The following SEC24A variants were observed in gnomAD, a reference collection of about 807,000 sequenced individuals.
SEC24A encodes protein transport protein Sec24A.
In SEC24A, 93 loss-of-function variants were observed where a neutral mutation model predicts 129.4. The ratio of observed to expected loss-of-function variants is 0.72; its 90% CI spans 0.61 to 0.85. The LOEUF (loss-of-function observed/expected upper bound fraction) is 0.85, where lower values mean the gene tolerates loss of function less well. SEC24A is among the 40% of genes least tolerant of loss of function. The pLI, the probability that SEC24A is intolerant of heterozygous loss-of-function variation, is 0.00. For synonymous variants in SEC24A, 460 were observed against 467.3 expected, an observed-to-expected ratio of 0.98 and a Z score of 0.20; for missense variants, 1,264 against 1,307.4, an observed-to-expected ratio of 0.97 and a Z score of 0.51.
At chr5:134,668,598 C>A (rs1383667397) in intron 3 of SEC24A, among the ~76,000 whole-genome samples, 1 of 152,070 alleles carries the variant, frequency 6.6e-6, no homozygotes, top group Middle Eastern at 3.2e-3. Flanking sequence ...TAGTGGCGGG[C>A]ACCTGTAATC....
chr5:134,662,248 G>A (rs565411753), intron 2 of SEC24A, among the ~76,000 whole-genome samples: 14 of 151,824 alleles, frequency 9.2e-5, no homozygotes, highest in East Asian at 1.9e-4. Flanking sequence ...TCTGCCTCCC[G>A]GGTTCACGCC....
chr5:134,718,325 C>A, intron 20 of SEC24A, 152 bp downstream of exon 20: 1 of 526,410 alleles, frequency 1.9e-6, no homozygotes, highest in South Asian at 3.6e-5. Flanking sequence ...ATGTGTAAGT[C>A]ATGGCTTATA....
rs776225197 is a variant in SEC24A at position 134,679,731 on chromosome 5, A to G, written c.1381+3A>G. ...CTTATGTTATCGAGTCAATGATGGT[A>G]TGGGATGCTTTTTTGAAACATTTAA... On this transcript the variant is annotated splice_donor_region_variant and intron_variant, in intron 8 of 22. Coordinates refer to ENST00000398844, the MANE Select transcript of SEC24A (RefSeq NM_021982.3). 19 of 1,566,666 alleles carry G rather than the reference A, an allele frequency of 1.2e-5. No homozygotes were observed. The Admixed American group carries it at 2.6e-4, about 22-fold the overall frequency.
chr5:134,658,709 A>G (rs1471765342), intron 1 of SEC24A, among the ~76,000 whole-genome samples: 1 of 152,072 alleles, frequency 6.6e-6, no homozygotes, highest in Non-Finnish European at 1.5e-5. Context: ...CCCAACCTCT[A>G]CACGATTTTA....
chr5:134,719,953 C>T (rs1006753549), intron 20 of SEC24A, among the ~76,000 whole-genome samples: 1 of 151,648 alleles, frequency 6.6e-6, no homozygotes, highest in Non-Finnish European at 1.5e-5. Flanking sequence ...CCATTGCACT[C>T]CAGCCTGGGC....
At chr5:134,692,415 C>G (rs949539066) in intron 11 of SEC24A, among the ~76,000 whole-genome samples, 187 bp from the exon 12 acceptor site, 3 of 152,098 alleles carry the variant, frequency 2.0e-5, no homozygotes, top group African/African-American at 7.2e-5. Flanking sequence ...AGAAAATTTG[C>G]AGTAGATACC....
At chr5:134,697,007 A>G in intron 13 of SEC24A, 119 bp from the exon 14 acceptor site, 1 of 555,588 alleles carries the variant, frequency 1.8e-6, no homozygotes, top group Non-Finnish European at 3.0e-6. Flanking sequence ...AGGACTTTGT[A>G]GAATGCCCAG....
chr5:134,657,179 A>AATGCAC (rs1554136427), intron 1 of SEC24A, among the ~76,000 whole-genome samples: 1 of 136,934 alleles, frequency 7.3e-6, no homozygotes, highest in African/African-American at 3.2e-5. Flanking sequence ...ATTTCTGAAA[A>AATGCAC]ACGCACACAC....
At chr5:134,682,584 G>C in intron 9 of SEC24A, 102 bp downstream of exon 9, 2 of 621,520 alleles carry the variant, frequency 3.2e-6, no homozygotes, top group South Asian at 4.1e-5. Context: ...ATTTTATTTT[G>C]AGACAGAGTT....
intron 11 of SEC24A, among the ~76,000 whole-genome samples, chr5:134,690,090 C>T (rs898746738): frequency 6.6e-6 from 1 of 152,194 alleles, no homozygotes; most frequent in South Asian, 2.1e-4. Flanking sequence ...GCCATCTCGG[C>T]TCGCTGCAAC....
At position 134,671,793 on chromosome 5, in the gene SEC24A, T is replaced by G. The variant is rs1279962777; in HGVS notation, c.740-16T>G. ...ATCATTCTAATTAAAATCTTGTTGA[T>G]GAACTTCCTTCTTAGGTATTACATC... On this transcript the variant is annotated splice_polypyrimidine_tract_variant and intron_variant, in intron 3 of 22. Coordinates refer to ENST00000398844, the MANE Select transcript of SEC24A (RefSeq NM_021982.3). 1 of 1,492,410 alleles carries G rather than the reference T, an allele frequency of 6.7e-7. No homozygotes were observed. The highest frequency in any genetic ancestry group is 2.0e-5 in the Admixed American group (1 of 49,186). The allele number at this position is 1,492,410 out of a possible 1,614,324, so 92.4% of individuals were successfully genotyped here. A position where few individuals can be genotyped will look rare whatever the true frequency, so the allele number is the denominator to read the frequency against.
At chr5:134,702,310 C>G (rs1752028846) in intron 15 of SEC24A, among the ~76,000 whole-genome samples, 1 of 152,212 alleles carries the variant, frequency 6.6e-6, no homozygotes, top group South Asian at 2.1e-4. Context: ...CCACCATGCC[C>G]AGCATTCTTT....
intron 1 of SEC24A, among the ~76,000 whole-genome samples, chr5:134,653,382 T>C (rs1049353644): frequency 3.3e-5 from 5 of 152,168 alleles, no homozygotes; most frequent in African/African-American, 1.2e-4. Flanking sequence ...CCTGTGAAGC[T>C]AGGACTACAG....
At chr5:134,715,239 GGTTT>G (rs1178116757) in intron 19 of SEC24A, 78 bp downstream of exon 19, 15 of 1,228,840 alleles carry the variant, frequency 1.2e-5, no homozygotes, top group African/African-American at 6.3e-5. Flanking sequence ...AATGAGGAAG[GGTTT>G]GTTTATTATT....
chr5:134,667,587 G>A (rs1561806568), intron 3 of SEC24A, among the ~76,000 whole-genome samples: 1 of 147,820 alleles, frequency 6.8e-6, no homozygotes, highest in Non-Finnish European at 1.5e-5. Context: ...CCGGGAGGCG[G>A]AGCTTGCAGT....
intron 11 of SEC24A, among the ~76,000 whole-genome samples, chr5:134,691,050 A>C (rs1751629290): frequency 6.6e-6 from 1 of 151,302 alleles, no homozygotes; most frequent in African/African-American, 2.4e-5. Context: ...ATGGGGTTTC[A>C]CTATGTTGGC....
At chr5:134,698,277 A>G (rs986192064) in intron 15 of SEC24A, among the ~76,000 whole-genome samples, 2 of 152,104 alleles carry the variant, frequency 1.3e-5, no homozygotes, top group African/African-American at 2.4e-5. Flanking sequence ...AGAGAATTTT[A>G]TGGTGTGTGA....
rs535419251 is a variant in SEC24A at position 134,650,796 on chromosome 5, C to T, written c.97+1623C>T. 6.6e-5 allele frequency among the ~76,000 whole-genome samples: 10 copies of T among 151,356 alleles called. No homozygotes were observed. The South Asian group carries it at 1.5e-3, about 22-fold the overall frequency. On this transcript the variant is annotated intron_variant, in intron 1 of 22. Coordinates refer to ENST00000398844, the MANE Select transcript of SEC24A (RefSeq NM_021982.3). ...TTGTTTGTTTGTTTGTTTTTTGAGA[C>T]GGAGTTTTGCTTTTGTCTCCCAGGC... is the stretch of plus-strand genomic sequence containing the variant.
At chr5:134,663,025 T>A (rs926476337) in intron 2 of SEC24A, among the ~76,000 whole-genome samples, 1 of 152,110 alleles carries the variant, frequency 6.6e-6, no homozygotes, top group Non-Finnish European at 1.5e-5. Context: ...TTAAAAAAAA[T>A]GTTATCTATA....
Sources: gnomAD v4.1 joint callset for allele counts (sites outside exome capture counted in the v4.1 genomes callset) on GRCh38, gnomAD v4.1.1 for gene constraint, MANE v1.5 for transcripts, NCBI Gene and HGNC (gene_info 2026-07-23, HGNC 2026-07-21) for gene names.